ICA1L: variants seen among roughly 807,000 people sequenced by gnomAD.
The protein encoded by ICA1L is islet cell autoantigen 1-like protein.
In ICA1L, 50 loss-of-function variants were observed where a neutral mutation model predicts 61.3. The observed-to-expected ratio is 0.82, with a 90% CI of 0.65 to 1.03. ICA1L has a LOEUF of 1.03. Ranked by LOEUF, ICA1L falls within the 50% of genes least tolerant of loss-of-function variation. The pLI is 0.00. For synonymous variants in ICA1L, 161 were observed against 191.3 expected, an observed-to-expected ratio of 0.84 and a Z score of 1.31; for missense variants, 508 against 556.7, an observed-to-expected ratio of 0.91 and a Z score of 0.88.
intron 9 of ICA1L, among the ~76,000 whole-genome samples, chr2:202,799,330 A>C (rs761841958): frequency 7.9e-5 from 12 of 152,110 alleles, no homozygotes; most frequent in Admixed American, 1.3e-4. Context: ...GGGTAAGCTG[A>C]TATCTCACTG....
chr2:202,804,581 T>C (rs1436023087), intron 9 of ICA1L, among the ~76,000 whole-genome samples: 1 of 151,952 alleles, frequency 6.6e-6, no homozygotes, highest in Non-Finnish European at 1.5e-5. Context: ...AATTTAACAG[T>C]GGAAGATTTT....
chr2:202,779,530 C>A lies in ICA1L; in HGVS notation c.*3G>T. 6.4e-7 allele frequency: 1 copy of A among 1,554,500 alleles called. No individual in the cohort carries two copies. Among genetic ancestry groups the A allele is most frequent in the Admixed American group, 1.7e-5 (1 of 57,740 alleles). ...GGCCACTGAAGTGACATTATAACTT[C>A]AGTCAAGCATTAAGAAGTTCATCAT... is the stretch of plus-strand genomic sequence containing the variant. On this transcript the variant is annotated 3_prime_UTR_variant, in exon 13 of 13. Coordinates refer to ENST00000358299, the MANE Select transcript of ICA1L (RefSeq NM_001288622.3).
In ICA1L at chr2:202,778,793, G is replaced by GGAGAT. The variant is rs1466392164; in HGVS notation, c.*735_*739dup. 1 of 152,622 alleles carries GGAGAT rather than the reference G, an allele frequency of 6.6e-6. No homozygotes were observed. Among genetic ancestry groups the GGAGAT allele is most frequent in the African/African-American group, 2.4e-5 (1 of 41,448 alleles). The allele number at this position is 152,622 out of a possible 1,614,324, so 9.5% of individuals were successfully genotyped here. On this transcript the variant is annotated 3_prime_UTR_variant, in exon 13 of 13. Coordinates refer to ENST00000358299, the MANE Select transcript of ICA1L (RefSeq NM_001288622.3). ...GTATTACTGTGCATTCTGAGTTTTA[G>GGAGAT]GAGATGGGAAGATAGATTTTTCTGT... is the stretch of plus-strand genomic sequence containing the variant.
chr2:202,863,606 C>T (rs1412328686), intron 1 of ICA1L, among the ~76,000 whole-genome samples: 8 of 152,066 alleles, frequency 5.3e-5, no homozygotes, highest in Non-Finnish European at 7.4e-5. Context: ...GGGCGGATCA[C>T]GAGGTCAGGA....
chr2:202,788,765 CA>C, intron 11 of ICA1L, 64 bp downstream of exon 11: 1 of 1,540,128 alleles, frequency 6.5e-7, no homozygotes, highest in South Asian at 1.1e-5. Context: ...CATCAATAAG[CA>C]CACCATTTTG....
chr2:202,851,224 A>C (rs1247028378), intron 1 of ICA1L, among the ~76,000 whole-genome samples: 1 of 144,536 alleles, frequency 6.9e-6, no homozygotes, highest in Non-Finnish European at 1.5e-5. Flanking sequence ...AAGTGTTCTC[A>C]TTGTTCAATT....
At chr2:202,790,565 G>C (rs1243079368) in intron 10 of ICA1L, among the ~76,000 whole-genome samples, 1 of 152,122 alleles carries the variant, frequency 6.6e-6, no homozygotes, top group Admixed American at 6.5e-5. Flanking sequence ...AGCTTCCCAG[G>C]AGGAGTAAGA....
intron 1 of ICA1L, chr2:202,840,456 A>C: frequency 2.0e-6 from 1 of 499,910 alleles, no homozygotes; most frequent in South Asian, 1.5e-5. Flanking sequence ...CCAGAGCCAA[A>C]GCTGGAGCCG....
At chr2:202,841,384 A>C (rs1179363151) in intron 1 of ICA1L, 5 of 994,518 alleles carry the variant, frequency 5.0e-6, no homozygotes, top group Non-Finnish European at 8.0e-6. Flanking sequence ...GTGTTGCTCT[A>C]AGCCATCTTC....
chr2:202,827,164 C>T (rs1480052948), intron 2 of ICA1L, among the ~76,000 whole-genome samples: 1 of 152,072 alleles, frequency 6.6e-6, no homozygotes, highest in African/African-American at 2.4e-5. Flanking sequence ...GAGGCTGAGG[C>T]GGGTGGATCG....
chr2:202,788,779 T>C (rs1331335067), intron 11 of ICA1L, 51 bp downstream of exon 11: 7 of 1,598,458 alleles, frequency 4.4e-6, no homozygotes, highest in Non-Finnish European at 5.1e-6. Context: ...CCATTTTGCT[T>C]CACAAAGATA....
At chr2:202,781,259 A>T (rs1024721171) in intron 12 of ICA1L, among the ~76,000 whole-genome samples, 1 of 152,154 alleles carries the variant, frequency 6.6e-6, no homozygotes, top group African/African-American at 2.4e-5. Context: ...AAATACATTC[A>T]TCAACAATAT....
chr2:202,870,356 T>A (rs1687661515), intron 1 of ICA1L, among the ~76,000 whole-genome samples: 1 of 152,190 alleles, frequency 6.6e-6, no homozygotes, highest in African/African-American at 2.4e-5. Flanking sequence ...CTTCTAACTC[T>A]AAAATTAAAC....
At chr2:202,834,172 A>G (rs1694086698) in intron 1 of ICA1L, among the ~76,000 whole-genome samples, 1 of 152,344 alleles carries the variant, frequency 6.6e-6, no homozygotes, top group Middle Eastern at 3.4e-3. Flanking sequence ...CTCAATTAAA[A>G]ATAATTTTTG....
In ICA1L at chr2:202,787,060, T is replaced by G. The variant is rs151015300; in HGVS notation, c.1244-1053A>C. Among the ~76,000 whole-genome samples the G allele has an allele frequency of 6.3e-3, 955 of 152,324 alleles. 5 individuals are homozygous for G. Among genetic ancestry groups the G allele is most frequent in the Non-Finnish European group, 9.5e-3 (645 of 68,028 alleles). On this transcript the variant is annotated intron_variant, in intron 11 of 12. Coordinates refer to ENST00000358299, the MANE Select transcript of ICA1L (RefSeq NM_001288622.3). ...TTTTAATTCCCAGGGAAGCTCCCTT[T>G]CCTGGTCTGTACCACAGGAGAGAGA...
At position 202,786,000 on chromosome 2, in the gene ICA1L, G is replaced by T; in HGVS notation, c.1251C>A (p.Val417=). 1 of 1,597,034 alleles carries T rather than the reference G, an allele frequency of 6.3e-7. No individual in the cohort carries two copies. Among genetic ancestry groups the T allele is most frequent in the Non-Finnish European group, 8.6e-7 (1 of 1,166,858 alleles). Residue 417 remains valine (V), a synonymous_variant, in exon 12 of 13, where the codon GTC becomes GTA. Coordinates refer to ENST00000358299, the MANE Select transcript of ICA1L (RefSeq NM_001288622.3). ...FHVAGAFNNW[V]SQEESELCLS... The stretch of plus-strand genomic sequence containing the variant: ...GACAAAGTTCTGATTCCTCTTGGGA[G>T]ACCCAGTCTGGGATAAAAGAAGTAA...
intron 1 of ICA1L, among the ~76,000 whole-genome samples, chr2:202,834,461 T>C (rs1224920563): frequency 6.6e-6 from 1 of 152,046 alleles, no homozygotes; most frequent in East Asian, 1.9e-4. Flanking sequence ...AGATCCTTTC[T>C]CTACAAAAAA....
chr2:202,860,309 T>TAATAATAATAATAATAATAAA (rs1308145629), intron 1 of ICA1L: 1 of 148,664 alleles, frequency 6.7e-6, no homozygotes, highest in East Asian at 2.0e-4. Context: ...ATAATAATAA[T>TAATAATAATAATAATAATAAA]AAATGGGAAA....
At chr2:202,853,910 A>G (rs1267305611) in intron 1 of ICA1L, among the ~76,000 whole-genome samples, 6 of 152,216 alleles carry the variant, frequency 3.9e-5, no homozygotes, top group African/African-American at 1.4e-4. Context: ...TATGGAAAGG[A>G]AAAACCAGTA....
Sources: gnomAD v4.1 joint callset for allele counts (sites outside exome capture counted in the v4.1 genomes callset) on GRCh38, gnomAD v4.1.1 for gene constraint, MANE v1.5 for transcripts, NCBI Gene and HGNC (gene_info 2026-07-23, HGNC 2026-07-21) for gene names.